The following CUX2 variants were observed in gnomAD, a reference collection of about 807,000 sequenced individuals.
CUX2 encodes homeobox protein cut-like 2.
A neutral mutation model predicts 144.8 loss-of-function variants in CUX2; 40 were observed. The ratio of observed to expected loss-of-function variants is 0.28; its 90% confidence interval spans 0.21 to 0.36. CUX2 has a LOEUF of 0.36. CUX2 is among the 10% of genes least tolerant of loss of function. The probability of loss-of-function intolerance (pLI) is 1.00; values close to 1 mark genes in which losing one functional copy is unlikely to be tolerated. For missense variants in CUX2, 1,615 were observed against 1,994.0 expected (o/e 0.81, Z 3.62); for synonymous variants, 827 against 875.6 (o/e 0.94, Z 0.98).
At chr12:111,166,014 C>CT (rs1023807360) in intron 1 of CUX2, among the ~76,000 whole-genome samples, 105 of 152,076 alleles carry the variant, frequency 6.9e-4, no homozygotes, top group African/African-American at 2.4e-3. Context: ...CACTTTGACT[C>CT]TTTTTTGTTG....
At chr12:111,173,300 A>G (rs564600351) in intron 1 of CUX2, among the ~76,000 whole-genome samples, 1 of 152,356 alleles carries the variant, frequency 6.6e-6, no homozygotes, top group South Asian at 2.1e-4. Flanking sequence ...ATACTCAGAA[A>G]GTCAAATGGG....
intron 1 of CUX2, among the ~76,000 whole-genome samples, chr12:111,200,452 G>A (rs758201739): frequency 1.6e-4 from 25 of 151,752 alleles, no homozygotes; most frequent in Non-Finnish European, 2.5e-4. Flanking sequence ...TCAGGACCCC[G>A]TACAGCTTGA....
intron 21 of CUX2, among the ~76,000 whole-genome samples, chr12:111,344,179 ATCT>A (rs1178002358): frequency 6.6e-6 from 1 of 152,216 alleles, no homozygotes; most frequent in Non-Finnish European, 1.5e-5. Context: ...ATATGGGGAC[ATCT>A]TCTCCTCTCT....
chr12:111,323,085 G>A (rs1001852573), intron 18 of CUX2, among the ~76,000 whole-genome samples: 1 of 152,234 alleles, frequency 6.6e-6, no homozygotes, highest in Non-Finnish European at 1.5e-5. Flanking sequence ...AAGTCCCAGA[G>A]TCCGGAAGTG....
chr12:111,292,839 T>C (rs1565896580), intron 5 of CUX2, among the ~76,000 whole-genome samples: 1 of 151,734 alleles, frequency 6.6e-6, no homozygotes, highest in Non-Finnish European at 1.5e-5. Flanking sequence ...ATAGTGAATT[T>C]TGGCCAGGCA....
At position 111,185,020 on chromosome 12, in the gene CUX2, C is replaced by T. The variant is rs374633018; in HGVS notation, c.64-29180C>T. Among the ~76,000 whole-genome samples, 8 of 152,196 alleles carry T rather than the reference C, an allele frequency of 5.3e-5. 1 individual carries two copies. Among genetic ancestry groups the T allele is most frequent in the South Asian group, 4.1e-4 (2 of 4,826 alleles). ...CGGAGCTTGCAGTGAACCAAGATGGCGCCACTGCACTCCAGCCTGGGCTAC... is the reference window on the plus strand; with the variant it reads ...CGGAGCTTGCAGTGAACCAAGATGGTGCCACTGCACTCCAGCCTGGGCTAC... On this transcript the variant is annotated intron_variant, in intron 1 of 21. Transcript: ENST00000261726.
At chr12:111,339,922 G>A (rs939509558) in intron 20 of CUX2, among the ~76,000 whole-genome samples, 2 of 152,238 alleles carry the variant, frequency 1.3e-5, no homozygotes, top group African/African-American at 4.8e-5. Context: ...CTGGCTCAAT[G>A]TGGTGGCTCA....
intron 20 of CUX2, among the ~76,000 whole-genome samples, chr12:111,339,083 T>C (rs1322926842): frequency 6.6e-6 from 1 of 151,562 alleles, no homozygotes; most frequent in Admixed American, 6.6e-5. Context: ...AAATAAAAAA[T>C]TAGCTGGGCA....
intron 1 of CUX2, among the ~76,000 whole-genome samples, chr12:111,069,360 T>C (rs1285168838): frequency 6.6e-6 from 1 of 152,082 alleles, no homozygotes; most frequent in Non-Finnish European, 1.5e-5. Context: ...ATTTTCTCCC[T>C]CTTCCGTGCT....
At chr12:111,234,449 C>A (rs1409655358) in intron 3 of CUX2, among the ~76,000 whole-genome samples, 1 of 152,136 alleles carries the variant, frequency 6.6e-6, no homozygotes, top group Non-Finnish European at 1.5e-5. Context: ...ATTGGGATCC[C>A]ATGCCCAAGG....
intron 1 of CUX2, among the ~76,000 whole-genome samples, chr12:111,081,426 T>C (rs893552409): frequency 8.5e-5 from 13 of 152,130 alleles, no homozygotes; most frequent in Admixed American, 7.9e-4. Flanking sequence ...ACATGTGGTG[T>C]AGTTTCTGTA....
chr12:111,213,805 C>T (rs759373598), intron 1 of CUX2, among the ~76,000 whole-genome samples: 5 of 151,934 alleles, frequency 3.3e-5, no homozygotes, highest in Non-Finnish European at 4.4e-5. Flanking sequence ...TACAATATGC[C>T]GCACTTTACT....
At position 111,304,110 on chromosome 12, in the gene CUX2, C is replaced by G. The variant is rs922453572; in HGVS notation, c.754-100C>G. ...CTAGGAAGGCAGGACCTGAGGCCCT[C>G]GGAGGTCTGCCTCCCCAACCCCTGC... is the stretch of plus-strand genomic sequence containing the variant. On this transcript the variant is annotated intron_variant, in intron 9 of 21. Coordinates refer to ENST00000261726, the MANE Select transcript of CUX2 (RefSeq NM_015267.4). This position sits in a 1 kb window ranked among gnomAD's most constrained non-coding sequence, Gnocchi z 4.7. 4 of 899,814 alleles carry G rather than the reference C, an allele frequency of 4.4e-6. No individual in the cohort carries two copies. Among genetic ancestry groups the G allele is most frequent in the Non-Finnish European group, 7.0e-6 (4 of 570,478 alleles). The allele number at this position is 899,814 out of a possible 1,614,324, so 55.7% of individuals were successfully genotyped here.
intron 16 of CUX2, among the ~76,000 whole-genome samples, chr12:111,318,119 G>C (rs1027993239): frequency 8.5e-5 from 13 of 152,108 alleles, no homozygotes; most frequent in African/African-American, 3.1e-4. Context: ...TGTTGCCCAG[G>C]CTGGAGTGCA....
At position 111,068,991 on chromosome 12, in the gene CUX2, A is replaced by G. The variant is rs1871137454; in HGVS notation, c.63+34751A>G. 6.6e-6 allele frequency among the ~76,000 whole-genome samples: 1 copy of G among 152,164 alleles called. No individual in the cohort carries two copies. Among genetic ancestry groups the G allele is most frequent in the Non-Finnish European group, 1.5e-5 (1 of 68,026 alleles). On this transcript the variant is annotated intron_variant, in intron 1 of 21. Transcript: ENST00000261726. The surrounding 1 kb of genome is among the most constrained non-coding windows in gnomAD (Gnocchi z 4.9). ...CTGGGTGGCCTGTACCTGTAATCTC[A>G]GCTACTCGGGAGGCTGAGGCAGGAG...
intron 9 of CUX2, among the ~76,000 whole-genome samples, chr12:111,303,765 C>T (rs1886434330): frequency 6.6e-6 from 1 of 152,144 alleles, no homozygotes; most frequent in Non-Finnish European, 1.5e-5. Flanking sequence ...CATTCCATAC[C>T]AGGTGGCATG....
rs1592894910 is a variant in CUX2 at position 111,261,475 on chromosome 12, G to A, written c.223-2286G>A. Among the ~76,000 whole-genome samples the A allele has an allele frequency of 2.8e-5, 4 of 140,706 alleles. No homozygotes were observed. The Admixed American group carries it at 3.2e-4, about 11-fold the overall frequency. 92.3% of individuals were successfully genotyped at this position (140,706 alleles called of 152,430 possible). A position where few individuals can be genotyped will look rare whatever the true frequency, so the allele number is the denominator to read the frequency against. The stretch of plus-strand genomic sequence containing the variant: ...CTCCTCCTGTGCATTTGTTTTGTTT[G>A]TAAAGATAGGGTCTCATTCTATTGC... On this transcript the variant is annotated intron_variant, in intron 3 of 21. Transcript: ENST00000261726.
At chr12:111,167,504 C>T (rs1592795058) in intron 1 of CUX2, among the ~76,000 whole-genome samples, 1 of 152,136 alleles carries the variant, frequency 6.6e-6, no homozygotes, top group East Asian at 1.9e-4. Flanking sequence ...GAGGGGTGAC[C>T]CCCGTCCATG....
At chr12:111,209,112 AC>A (rs971088080) in intron 1 of CUX2, among the ~76,000 whole-genome samples, 1 of 152,206 alleles carries the variant, frequency 6.6e-6, no homozygotes, top group Non-Finnish European at 1.5e-5. Context: ...GGCACTAGGA[AC>A]GTGAACGTTC....
Sources: allele counts gnomAD v4.1 joint callset (sites outside exome capture counted in the v4.1 genomes callset), GRCh38; gene constraint gnomAD v4.1.1; non-coding constraint Gnocchi (gnomAD v3.1); transcripts MANE v1.5; gene names NCBI Gene and HGNC (gene_info 2026-07-23, HGNC 2026-07-21).